MYO15A: variants seen among roughly 807,000 people sequenced by gnomAD.
MYO15A encodes myosin XVA, also known as unconventional myosin-XV.
In MYO15A, 308 loss-of-function variants were observed where a neutral mutation model predicts 394.6. The ratio of observed to expected loss-of-function variants is 0.78; its 90% CI spans 0.71 to 0.86. MYO15A has a LOEUF of 0.86. Among genes scored for constraint, MYO15A ranks in the 40% least tolerant of loss-of-function variants. MYO15A has a pLI of 0.00. For synonymous variants in MYO15A, 1,957 were observed against 2,003.8 expected (o/e 0.98, Z 0.62); for missense variants, 4,606 against 4,799.1 (o/e 0.96, Z 1.19).
chr17:18,115,192 T>C (rs1354392409), intron 1 of MYO15A, among the ~76,000 whole-genome samples: 1 of 152,202 alleles, frequency 6.6e-6, no homozygotes, highest in Non-Finnish European at 1.5e-5. Context: ...CCCAGCATCC[T>C]ACCACTTCTC....
chr17:18,154,827 A>G, intron 45 of MYO15A, 72 bp downstream of exon 45: 1 of 1,526,212 alleles, frequency 6.6e-7, no homozygotes, highest in South Asian at 1.1e-5. Context: ...TCCCAGAGGG[A>G]GACTGAGGCT....
chr17:18,168,619 T>C lies in MYO15A; in HGVS notation c.10082+896T>C, dbSNP rs62073610. Reference sequence around the variant, plus strand: ...CAGGGTCTTGCTACTTTGCCCAGGCTGATCTTGAACACCTGGGCTCAAGTA... The same window carrying C: ...CAGGGTCTTGCTACTTTGCCCAGGCCGATCTTGAACACCTGGGCTCAAGTA... On this transcript the variant is annotated intron_variant, in intron 62 of 65. Coordinates refer to ENST00000647165, the MANE Select transcript of MYO15A (RefSeq NM_016239.4). 8.3e-3 allele frequency among the ~76,000 whole-genome samples: 1,253 copies of C among 150,366 alleles called. 6 individuals are homozygous for C. The highest frequency in any genetic ancestry group is 0.016 in the South Asian group (77 of 4,754).
chr17:18,178,693 C>T lies in MYO15A; in HGVS notation c.10492-76C>T, dbSNP rs151335685. On this transcript the variant is annotated intron_variant, in intron 65 of 65. Coordinates refer to ENST00000647165, the MANE Select transcript of MYO15A (RefSeq NM_016239.4). ...CTCCACCTATCTCCCAACCACCTCT[C>T]CATTCTGTACTTCCCACCCCAAGGT... The T allele has an allele frequency of 1.5e-5, 21 of 1,409,870 alleles. No homozygotes were observed. In the African/African-American group the frequency reaches 2.5e-4, roughly 17 times the overall value. 87.3% of individuals were successfully genotyped at this position (1,409,870 alleles called of 1,614,324 possible).
In MYO15A at chr17:18,171,785, G is replaced by A; in HGVS notation, c.10216+14G>A. Reference sequence around the variant, plus strand: ...CCCAGTTTCTGGGTAAGAGCTGCAGGGCAGGGGAGGTGATCATAGGGGGCT... The same window carrying A: ...CCCAGTTTCTGGGTAAGAGCTGCAGAGCAGGGGAGGTGATCATAGGGGGCT... On this transcript the variant is annotated intron_variant, in intron 63 of 65. Transcript: ENST00000647165. 1.2e-6 allele frequency: 2 copies of A among 1,604,648 alleles called. No homozygotes were observed.
chr17:18,145,903 A>C lies in MYO15A; in HGVS notation c.6305A>C (p.His2102Pro). The change falls in exon 30 of 66, where the codon CAT becomes CCT. Residue 2102 changes from histidine (H) to proline (P), a missense_variant. By Grantham distance (77) the His-to-Pro change is moderately conservative. Around this residue, in one of 2 missense-constraint regions of MYO15A, gnomAD observed 2,776 missense variants for 3,109.3 expected, o/e 0.89. Coordinates refer to ENST00000647165, the MANE Select transcript of MYO15A (RefSeq NM_016239.4). Reference protein sequence around the residue: ...ILRFMGDPHLHGARENIFGNY... With the variant: ...ILRFMGDPHLPGARENIFGNY... ...CGCTTCATGGGCGACCCCCACCTGC[A>C]TGGTGCCCGGGAGAACATCTTCGGG... is the stretch of plus-strand genomic sequence containing the variant. 5.6e-6 allele frequency: 9 copies of C among 1,613,544 alleles called. No homozygotes were observed. The highest frequency in any genetic ancestry group is 7.6e-6 in the Non-Finnish European group (9 of 1,180,026).
At chr17:18,136,760 C>T in intron 15 of MYO15A, 74 bp downstream of exon 15, 2 of 1,519,264 alleles carry the variant, frequency 1.3e-6, no homozygotes, top group South Asian at 1.2e-5. Context: ...CTCGGGCTGC[C>T]CTTCCCATCC....
At position 18,135,744 on chromosome 17, in the gene MYO15A, G is replaced by A. The variant is rs200045991; in HGVS notation, c.4516G>A (p.Ala1506Thr). ...ACAGGAGGTGGCCTCAGTGGTGAGT[G>A]CCCGAGAGATCCAGGCCGTGGCAGA... ...DAQEVASVVS[A>T]REIQAVAELL... The change falls in exon 13 of 66, where the codon GCC becomes ACC. Residue 1506 changes from alanine to threonine, a missense_variant. Coordinates refer to ENST00000647165, the MANE Select transcript of MYO15A (RefSeq NM_016239.4). The A allele has an allele frequency of 6.2e-7, 1 of 1,614,196 alleles. No individual in the cohort carries two copies. Among genetic ancestry groups the A allele is most frequent in the African/African-American group, 1.3e-5 (1 of 75,056 alleles).
At position 18,132,621 on chromosome 17, in the gene MYO15A, C is replaced by T; in HGVS notation, c.4320+55C>T. 1.3e-6 allele frequency: 2 copies of T among 1,482,756 alleles called. No individual in the cohort carries two copies. The highest frequency in any genetic ancestry group is 1.1e-5 in the South Asian group (1 of 88,416). 91.8% of individuals were successfully genotyped at this position (1,482,756 alleles called of 1,614,324 possible). A position where few individuals can be genotyped will look rare whatever the true frequency, so the allele number is the denominator to read the frequency against. On this transcript the variant is annotated intron_variant, in intron 11 of 65. Transcript: ENST00000647165. This position sits in a 1 kb window ranked among gnomAD's most constrained non-coding sequence, Gnocchi z 4.6. ...TGGCCCTGGTCCTCCCACCCCGACG[C>T]CCCTGGCTGGGCCTTGGGAGCCGAG...
Position 18,148,434 on chromosome 17 carries a change from G to C in MYO15A, c.6692-62G>C. On this transcript the variant is annotated intron_variant, in intron 31 of 65. Coordinates refer to ENST00000647165, the MANE Select transcript of MYO15A (RefSeq NM_016239.4). This position sits in a 1 kb window ranked among gnomAD's most constrained non-coding sequence, Gnocchi z 4.8. The stretch of plus-strand genomic sequence containing the variant: ...AAGCCTGAAAGGAAGAAGCAAGCAG[G>C]GAGGCACAGCCAAACTGGACTCAGA... 6.5e-7 allele frequency: 1 copy of C among 1,538,942 alleles called. No individual in the cohort carries two copies. The highest frequency in any genetic ancestry group is 1.2e-5 in the South Asian group (1 of 83,786).
rs561642041 is a variant in MYO15A, at chr17:18,150,413, C to T, written c.7213-16C>T. ...ACAATAATGAGATGGTCACTTGAGC[C>T]ACCCACTGCCCCCAGGACCTGGAGA... On this transcript the variant is annotated splice_polypyrimidine_tract_variant and intron_variant, in intron 35 of 65. Coordinates refer to ENST00000647165, the MANE Select transcript of MYO15A (RefSeq NM_016239.4). The surrounding 1 kb of genome is among the most constrained non-coding windows in gnomAD (Gnocchi z 4.4). The T allele has an allele frequency of 1.9e-6, 3 of 1,611,004 alleles. No individual in the cohort carries two copies. Among genetic ancestry groups the T allele is most frequent in the Admixed American group, 1.7e-5 (1 of 60,018 alleles).
At chr17:18,173,959 G>T in intron 65 of MYO15A, 38 bp downstream of exon 65, 1 of 1,602,620 alleles carries the variant, frequency 6.2e-7, no homozygotes, top group Non-Finnish European at 8.5e-7. Flanking sequence ...CACTCACTGG[G>T]CCCTTCTCTG....
At position 18,150,995 on chromosome 17, in the gene MYO15A, A is replaced by ATTGTGCCTCT. The variant is rs1479792850; in HGVS notation, c.7473+86_7473+95dup. 3.1e-6 allele frequency: 5 copies of ATTGTGCCTCT among 1,606,774 alleles called. No homozygotes were observed. The highest frequency in any genetic ancestry group is 4.2e-6 in the Non-Finnish European group (5 of 1,177,562). ...GAATGCTGTGCTGCTCCAGGGCACT[A>ATTGTGCCTCT]TTGTGCCTCTTTGAGCCCAGGAGCT... On this transcript the variant is annotated intron_variant, in intron 38 of 65. Transcript: ENST00000647165. This position sits in a 1 kb window ranked among gnomAD's most constrained non-coding sequence, Gnocchi z 4.4.
At chr17:18,170,496 TC>T (rs888329694) in intron 62 of MYO15A, among the ~76,000 whole-genome samples, 1 of 151,936 alleles carries the variant, frequency 6.6e-6, no homozygotes, top group Non-Finnish European at 1.5e-5. Context: ...GTAGCTGGAA[TC>T]ACAAGTGCAT....
chr17:18,109,487 C>A, intron 1 of MYO15A: 1 of 154,312 alleles, frequency 6.5e-6, no homozygotes, highest in Middle Eastern at 1.7e-3. Context: ...TGTGAGAGAG[C>A]GAGCAAGGGA....
Position 18,144,057 on chromosome 17 carries a change from T to C in MYO15A, c.6177+57T>C, listed in dbSNP as rs946833550. 7.5e-6 allele frequency: 12 copies of C among 1,610,424 alleles called. No individual in the cohort carries two copies. In the African/African-American group the frequency reaches 1.5e-4, roughly 20 times the overall value. Reference sequence around the variant, plus strand: ...GCTGATAGGCGCTGACCAATTAGAATGGACATTGTCCTTGCCCTGGGGCAG... The same window carrying C: ...GCTGATAGGCGCTGACCAATTAGAACGGACATTGTCCTTGCCCTGGGGCAG... On this transcript the variant is annotated intron_variant, in intron 28 of 65. Coordinates refer to ENST00000647165, the MANE Select transcript of MYO15A (RefSeq NM_016239.4).
chr17:18,133,236 T>TGAG lies in MYO15A; in HGVS notation c.4333_4335dup (p.Glu1445dup). Reference sequence around the variant, plus strand: ...CTGCCCTCATGCAGGGTGGGAACTGTGAGATAGCAGGAAAGAGCGATGCAG... The same window carrying TGAG: ...CTGCCCTCATGCAGGGTGGGAACTGTGAGGAGATAGCAGGAAAGAGCGATGCAG... On this transcript the variant is annotated inframe_insertion, in exon 12 of 66. Transcript: ENST00000647165. 6.2e-7 allele frequency: 1 copy of TGAG among 1,613,360 alleles called. No individual in the cohort carries two copies. The highest frequency in any genetic ancestry group is 8.5e-7 in the Non-Finnish European group (1 of 1,179,412).
rs760290979 is a variant in MYO15A, at chr17:18,133,338, C to T, written c.4434C>T (p.Ile1478=). 3 of 1,614,106 alleles carry T rather than the reference C, an allele frequency of 1.9e-6. No individual in the cohort carries two copies. The highest frequency in any genetic ancestry group is 2.2e-5 in the East Asian group (1 of 44,900). ...SSEDQDSIFR[I]LASILHLGNV... ...AGGACCAGGACAGCATCTTCCGCATCCTGGCCTCCATCCTGCACCTGGGCA... is the reference window on the plus strand; with the variant it reads ...AGGACCAGGACAGCATCTTCCGCATTCTGGCCTCCATCCTGCACCTGGGCA... Residue 1478 remains isoleucine, a synonymous_variant, in exon 12 of 66, where the codon ATC becomes ATT. Coordinates refer to ENST00000647165, the MANE Select transcript of MYO15A (RefSeq NM_016239.4).
intron 15 of MYO15A, 32 bp from the exon 16 acceptor site, chr17:18,137,552 G>T: frequency 6.2e-7 from 1 of 1,604,372 alleles, no homozygotes; most frequent in Non-Finnish European, 8.5e-7. Context: ...GCCAAGGAAG[G>T]ACCAGTCCCA....
At chr17:18,136,067 G>T (rs761549898) in intron 13 of MYO15A, among the ~76,000 whole-genome samples, 7 of 152,114 alleles carry the variant, frequency 4.6e-5, no homozygotes, top group Non-Finnish European at 7.4e-5. Context: ...CATCCTTTAA[G>T]ACCCTATCCA....
Sources: gnomAD v4.1 joint callset for allele counts (sites outside exome capture counted in the v4.1 genomes callset) on GRCh38, gnomAD v4.1.1 for gene constraint, gnomAD v4.1.1 regional missense constraint, Gnocchi (gnomAD v3.1) non-coding constraint, MANE v1.5 for transcripts, NCBI Gene and HGNC (gene_info 2026-07-23, HGNC 2026-07-21) for gene names.